Variants in SCIN observed in about 807,000 individuals in gnomAD.
SCIN encodes the protein adseverin.
In SCIN, 91 loss-of-function variants were observed where a neutral mutation model predicts 91.8. The observed-to-expected ratio is 0.99, with a 90% CI of 0.84 to 1.18. SCIN has a LOEUF of 1.18. SCIN is among the 50% of genes most tolerant of loss of function. The pLI is 0.00. For synonymous variants in SCIN, 367 were observed against 312.6 expected, an observed-to-expected ratio of 1.17 and a Z score of -1.84; for missense variants, 1,087 against 863.9, an observed-to-expected ratio of 1.26 and a Z score of -3.24.
In SCIN at chr7:12,625,833, T is replaced by C; in HGVS notation, c.964T>C (p.Tyr322His). 6.2e-7 allele frequency: 1 copy of C among 1,610,604 alleles called. No homozygotes were observed. Residue 322 changes from tyrosine (Y) to histidine (H), a missense_variant, in exon 7 of 16, where the codon TAT (tyrosine) becomes CAT (histidine). By Grantham distance (83) the Tyr-to-His change is moderately conservative. Coordinates refer to ENST00000297029, the MANE Select transcript of SCIN (RefSeq NM_001112706.3). Reference sequence around the variant, plus strand: ...TGAAGAATTTCTACAGCAAATGAATTATTCCAAGAATACCCAAGTATGTGT... The same window carrying C: ...TGAAGAATTTCTACAGCAAATGAATCATTCCAAGAATACCCAAGTATGTGT... ...TAEEFLQQMN[Y>H]SKNTQIQVLP... is the part of the protein sequence containing the mutation.
rs139007433 is a variant in SCIN, at chr7:12,581,020, C to G, written c.355-40C>G. On this transcript the variant is annotated intron_variant, in intron 2 of 15. Transcript: ENST00000297029. ...TCTAGGCAGACACCTCATCAGTTTT[C>G]TCTTTGTTTTTTGTGTGTCTGTCTT... 543 of 1,540,608 alleles carry G rather than the reference C, an allele frequency of 3.5e-4. 1 individual carries two copies. The African/African-American group carries it at 6.8e-3, about 19-fold the overall frequency.
chr7:12,584,475 C>T (rs183363906), intron 3 of SCIN, among the ~76,000 whole-genome samples: 1 of 152,270 alleles, frequency 6.6e-6, no homozygotes, highest in African/African-American at 2.4e-5. Context: ...TATGTTATTC[C>T]ATATTGTCCT....
chr7:12,613,550 G>T (rs970715102), intron 4 of SCIN, among the ~76,000 whole-genome samples: 1 of 152,036 alleles, frequency 6.6e-6, no homozygotes, highest in South Asian at 2.1e-4. Context: ...TTGGAAAGAG[G>T]TTCCTAAAAT....
intron 4 of SCIN, 134 bp from the exon 5 acceptor site, chr7:12,622,667 A>G: frequency 1.6e-6 from 1 of 640,276 alleles, no homozygotes. Context: ...GTATGCATTG[A>G]TGAGAAGTGT....
In SCIN at chr7:12,656,695, G is replaced by C. The variant is rs544557013; in HGVS notation, c.*3980G>C. 1.3e-5 allele frequency: 2 copies of C among 152,254 alleles called. No individual in the cohort carries two copies. The highest frequency in any genetic ancestry group is 4.1e-4 in the South Asian group (2 of 4,828). The allele number at this position is 152,254 out of a possible 1,614,324, so 9.4% of individuals were successfully genotyped here. A position where few individuals can be genotyped will look rare whatever the true frequency, so the allele number is the denominator to read the frequency against. On this transcript the variant is annotated 3_prime_UTR_variant, in exon 16 of 16. Coordinates refer to ENST00000297029, the MANE Select transcript of SCIN (RefSeq NM_001112706.3). Reference sequence around the variant, plus strand: ...TCCCAGCACTTTGAAAGGCCAAGGCGGTTGGATCACGAGGCCAGGAGTCCG... The same window carrying C: ...TCCCAGCACTTTGAAAGGCCAAGGCCGTTGGATCACGAGGCCAGGAGTCCG...
intron 3 of SCIN, among the ~76,000 whole-genome samples, chr7:12,603,354 C>G (rs1782999221): frequency 6.6e-6 from 1 of 151,926 alleles, no homozygotes; most frequent in Non-Finnish European, 1.5e-5. Context: ...CTGTGTTAGC[C>G]AGGATATTCT....
intron 7 of SCIN, 180 bp from the exon 8 acceptor site, chr7:12,626,404 A>G: frequency 1.7e-6 from 1 of 573,536 alleles, no homozygotes. Context: ...TCTTCTCTCA[A>G]ATATTCAAAT....
intron 6 of SCIN, 115 bp from the exon 7 acceptor site, chr7:12,625,647 C>T (rs1418794443): frequency 1.2e-6 from 1 of 805,500 alleles, no homozygotes; most frequent in Non-Finnish European, 1.9e-6. Flanking sequence ...TATTCTTTCA[C>T]TGCTGTATTT....
chr7:12,589,962 A>C (rs943046141), intron 3 of SCIN, among the ~76,000 whole-genome samples: 2 of 151,700 alleles, frequency 1.3e-5, no homozygotes, highest in African/African-American at 2.4e-5. Flanking sequence ...GGACTTCAAG[A>C]GTGAGTTTGG....
At chr7:12,613,681 G>A (rs2056621) in intron 4 of SCIN, among the ~76,000 whole-genome samples, 56,277 of 151,874 alleles carry the variant, frequency 0.37, 10,968 homozygotes, top group African/African-American at 0.47. Flanking sequence ...CAGAATTGCT[G>A]TTATGTTTGC....
At chr7:12,596,340 C>A in intron 3 of SCIN, 1 of 456,194 alleles carries the variant, frequency 2.2e-6, no homozygotes, top group South Asian at 1.5e-5. Context: ...GTTGCTTCTC[C>A]CTGACGTCTG....
intron 3 of SCIN, among the ~76,000 whole-genome samples, chr7:12,602,779 C>T (rs1782984966): frequency 6.6e-6 from 1 of 152,130 alleles, no homozygotes; most frequent in Non-Finnish European, 1.5e-5. Context: ...CCCTAAAAAT[C>T]AGTGTTATTC....
chr7:12,606,367 C>T (rs1450132460), intron 4 of SCIN, among the ~76,000 whole-genome samples: 1 of 152,140 alleles, frequency 6.6e-6, no homozygotes, highest in African/African-American at 2.4e-5. Context: ...ATCTCATAAA[C>T]ATTTTTAATA....
Position 12,570,745 on chromosome 7 carries a change from C to G in SCIN, c.-42C>G, listed in dbSNP as rs1782246890. 6.5e-7 allele frequency: 1 copy of G among 1,539,856 alleles called. No individual in the cohort carries two copies. Among genetic ancestry groups the G allele is most frequent in the Admixed American group, 2.0e-5 (1 of 50,720 alleles). ...TGCTGCTCTCGGTTTAGTCCAAGATCAGCGATATCACGCGTCCCCCGGAGC... is the reference window on the plus strand; with the variant it reads ...TGCTGCTCTCGGTTTAGTCCAAGATGAGCGATATCACGCGTCCCCCGGAGC... On this transcript the variant is annotated 5_prime_UTR_variant, in exon 1 of 16. In the 5' UTR this introduces an upstream ATG that the reference lacks. Coordinates refer to ENST00000297029, the MANE Select transcript of SCIN (RefSeq NM_001112706.3).
At chr7:12,580,419 C>T (rs1782464181) in intron 2 of SCIN, among the ~76,000 whole-genome samples, 1 of 151,848 alleles carries the variant, frequency 6.6e-6, no homozygotes, top group African/African-American at 2.4e-5. Flanking sequence ...GGATGTACAG[C>T]CAAGATATTG....
chr7:12,652,452 A>G, intron 15 of SCIN, 136 bp from the exon 16 acceptor site: 1 of 767,164 alleles, frequency 1.3e-6, no homozygotes, highest in Non-Finnish European at 2.0e-6. Flanking sequence ...AAGAATTTTC[A>G]TTTTCAATGT....
chr7:12,624,345 A>G (rs1337720259), intron 5 of SCIN, among the ~76,000 whole-genome samples: 2 of 152,232 alleles, frequency 1.3e-5, no homozygotes, highest in African/African-American at 4.8e-5. Context: ...ATCACTTTCA[A>G]TTTTGTAAGA....
chr7:12,614,301 C>A (rs1386205474), intron 4 of SCIN, among the ~76,000 whole-genome samples: 1 of 152,152 alleles, frequency 6.6e-6, no homozygotes, highest in Non-Finnish European at 1.5e-5. Flanking sequence ...CTTATTAACA[C>A]AGGAATTAAA....
chr7:12,585,550 G>A (rs1782570082), intron 3 of SCIN, among the ~76,000 whole-genome samples: 1 of 152,052 alleles, frequency 6.6e-6, no homozygotes, highest in South Asian at 2.1e-4. Flanking sequence ...CATGTTATGT[G>A]TGTCATAAGA....
Sources: gnomAD v4.1 joint callset for allele counts (sites outside exome capture counted in the v4.1 genomes callset) on GRCh38, gnomAD v4.1.1 for gene constraint, MANE v1.5 for transcripts, NCBI Gene and HGNC (gene_info 2026-07-23, HGNC 2026-07-21) for gene names.